The following EVPL variants were observed in gnomAD, a reference collection of about 807,000 sequenced individuals.
EVPL encodes the protein envoplakin.
EVPL carries 94 observed loss-of-function variants against 129.7 expected under a neutral mutation model. The observed-to-expected ratio is 0.72, with a 90% CI of 0.61 to 0.86. The LOEUF (loss-of-function observed/expected upper bound fraction) is 0.86, where lower values mean the gene tolerates loss of function less well. Among genes scored for constraint, EVPL ranks in the 40% least tolerant of loss-of-function variants. EVPL has a pLI of 0.00. For missense variants in EVPL, 2,625 were observed against 2,721.1 expected (o/e 0.96, Z 0.79); for synonymous variants, 1,172 against 1,191.1 (o/e 0.98, Z 0.33).
At chr17:76,011,493 A>T in intron 21 of EVPL, 83 bp downstream of exon 21, 1 of 1,209,978 alleles carries the variant, frequency 8.3e-7, no homozygotes, top group Non-Finnish European at 1.2e-6. Flanking sequence ...TACCAGGGTG[A>T]CAGCCTGGCA....
At chr17:76,014,248 G>A (rs949176231) in intron 18 of EVPL, among the ~76,000 whole-genome samples, 178 bp downstream of exon 18, 4 of 152,204 alleles carry the variant, frequency 2.6e-5, no homozygotes, top group Non-Finnish European at 4.4e-5. Flanking sequence ...TGCCCCAGTC[G>A]GGCCAGACAG....
intron 16 of EVPL, 48 bp downstream of exon 16, chr17:76,015,179 T>C (rs781394810): frequency 1.9e-6 from 3 of 1,560,304 alleles, no homozygotes; most frequent in African/African-American, 2.7e-5. Context: ...CACCCGCCCC[T>C]GAATGCTGGG....
At chr17:76,019,100 G>T (rs1769851550) in intron 10 of EVPL, 40 bp from the exon 11 acceptor site, 2 of 1,525,592 alleles carry the variant, frequency 1.3e-6, no homozygotes, top group Middle Eastern at 2.1e-4. Flanking sequence ...AGGCCAGGCT[G>T]CATTGGAGGC....
In EVPL at chr17:76,023,925, A is replaced by G. The variant is rs1897772638; in HGVS notation, c.198+96T>C. 4.1e-6 allele frequency: 6 copies of G among 1,467,572 alleles called. No individual in the cohort carries two copies. In the South Asian group the frequency reaches 6.1e-5, roughly 15 times the overall value. The allele number at this position is 1,467,572 out of a possible 1,614,324, so 90.9% of individuals were successfully genotyped here. A position where few individuals can be genotyped will look rare whatever the true frequency, so the allele number is the denominator to read the frequency against. ...AAAGGTCATCTGTCCCATCTTCACC[A>G]TCACCAAGGGGCACTCAGGGAGTGC... On this transcript the variant is annotated intron_variant, in intron 2 of 21. Transcript: ENST00000301607.
At position 76,021,897 on chromosome 17, in the gene EVPL, G is replaced by A; in HGVS notation, c.777C>T (p.Ala259=). Reference sequence around the variant, plus strand: ...ACTCCCGCCGCACGCCCGCAGGGTCGGCCATGAGGTCGCTCCAGTCCTGCT... The same window carrying A: ...ACTCCCGCCGCACGCCCGCAGGGTCAGCCATGAGGTCGCTCCAGTCCTGCT... ...ILQQDWSDLM[A]DPAGVRREYE... The change falls in exon 7 of 22, where the codon GCC becomes GCT. Residue 259 remains alanine, a synonymous_variant. Transcript: ENST00000301607. 1.3e-6 allele frequency: 2 copies of A among 1,561,552 alleles called. No homozygotes were observed. The highest frequency in any genetic ancestry group is 8.6e-7 in the Non-Finnish European group (1 of 1,160,790).
In EVPL at chr17:76,018,224, A is replaced by G. The variant is rs2066431924; in HGVS notation, c.1474T>C (p.Leu492=). 5.2e-6 allele frequency: 8 copies of G among 1,549,710 alleles called. No homozygotes were observed. The African/African-American group carries it at 6.8e-5, about 13-fold the overall frequency. The change falls in exon 13 of 22, where the codon TTG becomes CTG. Residue 492 remains leucine (L), a synonymous_variant. Transcript: ENST00000301607. ...ASELQALKQK[L]ATVQSRLKAS... is the part of the protein sequence containing the mutation. ...TTCAGGCGGCTCTGGACTGTGGCCA[A>G]TTTCTGCTTCAGGGCCTGCAGCTCT... is the stretch of plus-strand genomic sequence containing the variant.
Position 76,010,039 on chromosome 17 carries a change from G to A in EVPL, c.3166C>T (p.Leu1056=). Reference sequence around the variant, plus strand: ...TCAAGGGCCAGTAGCTCCTTCTTCAGCCCTTCCAGCCGGGCCGAGATGACG... The same window carrying A: ...TCAAGGGCCAGTAGCTCCTTCTTCAACCCTTCCAGCCGGGCCGAGATGACG... ...DAVISARLEG[L]KKELLALEKR... The change falls in exon 22 of 22, where the codon CTG becomes TTG. Residue 1056 remains leucine, a synonymous_variant. Coordinates refer to ENST00000301607, the MANE Select transcript of EVPL (RefSeq NM_001988.4). The A allele has an allele frequency of 6.2e-7, 1 of 1,612,846 alleles. No homozygotes were observed. Among genetic ancestry groups the A allele is most frequent in the South Asian group, 1.1e-5 (1 of 91,076 alleles).
At chr17:76,017,947 A>G (rs1216686758) in intron 13 of EVPL, 36 bp from the exon 14 acceptor site, 28 of 1,609,700 alleles carry the variant, frequency 1.7e-5, no homozygotes, top group Non-Finnish European at 2.4e-5. Flanking sequence ...CCCAGGGCCT[A>G]TCTCCAGACT....
At chr17:76,014,649 T>C (rs989372645) in intron 17 of EVPL, 73 bp from the exon 18 acceptor site, 1 of 1,559,632 alleles carries the variant, frequency 6.4e-7, no homozygotes, top group African/African-American at 1.4e-5. Flanking sequence ...ACAGGGAGGC[T>C]GATGGGAGCC....
rs2066438282 is a variant in EVPL, at chr17:76,018,966, G to A, written c.1232C>T (p.Pro411Leu). ...DVAPLPQRRN[P>L]PQQPLHVDSI... ...GTCCACGTGCAGGGGCTGCTGAGGG[G>A]GGTTTCTTCGCTGTGGCAGAGGGGC... The change falls in exon 11 of 22, where the codon CCC (proline) becomes CTC (leucine). Residue 411 changes from proline (P) to leucine (L), a missense_variant. Physicochemically the swap from Pro to Leu is moderately conservative, Grantham distance 98. Around this residue, in one of 4 missense-constraint regions of EVPL, gnomAD observed 1,024 missense variants for 997.5 expected, o/e 1.03. Transcript: ENST00000301607. The A allele has an allele frequency of 6.4e-7, 1 of 1,565,254 alleles. No individual in the cohort carries two copies. Among genetic ancestry groups the A allele is most frequent in the Admixed American group, 2.1e-5 (1 of 48,596 alleles).
At position 76,007,476 on chromosome 17, in the gene EVPL, A is replaced by T. The variant is rs751175874; in HGVS notation, c.5729T>A (p.Val1910Asp). 4 of 1,610,080 alleles carry T rather than the reference A, an allele frequency of 2.5e-6. No individual in the cohort carries two copies. In the South Asian group the frequency reaches 3.3e-5, roughly 13 times the overall value. The change falls in exon 22 of 22, where the codon GTC becomes GAC. Residue 1910 changes from valine to aspartate, a missense_variant. This residue lies in a region of EVPL where 1,453 missense variants were observed against 1,511.8 expected (regional missense o/e 0.96). Coordinates refer to ENST00000301607, the MANE Select transcript of EVPL (RefSeq NM_001988.4). The surrounding 1 kb of genome is among the most constrained non-coding windows in gnomAD (Gnocchi z 8.8). Reference sequence around the variant, plus strand: ...GCCCACCGAGAGCCTCTTCTTGGTGACGGGGTCCTCGATGCCGGTGAAGGC... The same window carrying T: ...GCCCACCGAGAGCCTCTTCTTGGTGTCGGGGTCCTCGATGCCGGTGAAGGC... ...QKAFTGIEDP[V>D]TKKRLSVGEA...
At chr17:76,018,117 C>T in intron 13 of EVPL, 44 bp downstream of exon 13, 6 of 1,549,652 alleles carry the variant, frequency 3.9e-6, no homozygotes, top group Non-Finnish European at 5.2e-6. Context: ...GGAATCTACT[C>T]CTTCTAGCCC....
chr17:76,023,908 T>C lies in EVPL; in HGVS notation c.198+113A>G, dbSNP rs1439692527. ...GATGGGCGGTGCAGGACAAAGGTCA[T>C]CTGTCCCATCTTCACCATCACCAAG... On this transcript the variant is annotated intron_variant, in intron 2 of 21. Transcript: ENST00000301607. 5.8e-6 allele frequency: 8 copies of C among 1,381,468 alleles called. No homozygotes were observed. In the African/African-American group the frequency reaches 1.0e-4, roughly 17 times the overall value. The allele number at this position is 1,381,468 out of a possible 1,614,324, so 85.6% of individuals were successfully genotyped here. A position where few individuals can be genotyped will look rare whatever the true frequency, so the allele number is the denominator to read the frequency against.
At position 76,007,652 on chromosome 17, in the gene EVPL, G is replaced by A. The variant is rs1241769236; in HGVS notation, c.5553C>T (p.Asp1851=). ...CCAGTAGCTTCTGCCCAGTGATGGG[G>A]TCCAGCATGTTCTTGGCCACGGCCG... ...IKTAVAKNML[D]PITGQKLLEA... Residue 1851 remains aspartate (D), a synonymous_variant, in exon 22 of 22, where the codon GAC becomes GAT. Coordinates refer to ENST00000301607, the MANE Select transcript of EVPL (RefSeq NM_001988.4). This position sits in a 1 kb window ranked among gnomAD's most constrained non-coding sequence, Gnocchi z 8.8. The A allele has an allele frequency of 1.9e-6, 3 of 1,613,724 alleles. No individual in the cohort carries two copies. Among genetic ancestry groups the A allele is most frequent in the African/African-American group, 1.3e-5 (1 of 74,930 alleles).
rs772314019 is a variant in EVPL, at chr17:76,007,203, C to T, written c.6002G>A (p.Arg2001His). 16 of 1,543,054 alleles carry T rather than the reference C, an allele frequency of 1.0e-5. No homozygotes were observed. Among genetic ancestry groups the T allele is most frequent in the Middle Eastern group, 1.8e-4 (1 of 5,714 alleles). Residue 2001 changes from arginine (R) to histidine (H), a missense_variant, in exon 22 of 22, where the codon CGC becomes CAC. Physicochemically the swap from Arg to His is conservative, Grantham distance 29. Coordinates refer to ENST00000301607, the MANE Select transcript of EVPL (RefSeq NM_001988.4). The surrounding 1 kb of genome is among the most constrained non-coding windows in gnomAD (Gnocchi z 8.8). ...LSYKEAMGRC[R>H]KDPLSGLLLL... ...CAGCAGGCCGCTCAGGGGGTCTTTG[C>T]GGCAGCGGCCCATGGCCTCCTTGTA...
intron 21 of EVPL, chr17:76,011,375 C>T: frequency 6.6e-6 from 4 of 608,648 alleles, no homozygotes; most frequent in South Asian, 3.8e-5. Context: ...TGGACACCAG[C>T]CTGTAAGAGC....
rs772373096 is a variant in EVPL at position 76,007,692 on chromosome 17, T to A, written c.5513A>T (p.Lys1838Met). The change falls in exon 22 of 22, where the codon AAG becomes ATG. Residue 1838 changes from lysine (K) to methionine (M), a missense_variant. By Grantham distance (95) the Lys-to-Met change is moderately conservative (BLOSUM62 -1). Transcript: ENST00000301607. The surrounding 1 kb of genome is among the most constrained non-coding windows in gnomAD (Gnocchi z 8.8). ...GGCCACGGCCGTCTTGATGCTGCAC[T>A]TGTTGTCTGTGGTTGTGTCATAGAT... ...AGIYDTTTDNKCSIKTAVAKN... is the reference protein window; with the variant it reads ...AGIYDTTTDNMCSIKTAVAKN... The A allele has an allele frequency of 6.2e-7, 1 of 1,613,662 alleles. No individual in the cohort carries two copies. Among genetic ancestry groups the A allele is most frequent in the Non-Finnish European group, 8.5e-7 (1 of 1,179,808 alleles).
rs1268004235 is a variant in EVPL, at chr17:76,024,014, G to T, written c.198+7C>A. The T allele has an allele frequency of 1.9e-6, 3 of 1,611,170 alleles. No homozygotes were observed. The highest frequency in any genetic ancestry group is 2.2e-5 in the South Asian group (2 of 90,420). ...CCACGCCCTGCCAACTGCTGCCGGG[G>T]CCTCACCTGCTGCAGCCTCTTCTGC... On this transcript the variant is annotated splice_region_variant and intron_variant, in intron 2 of 21. Coordinates refer to ENST00000301607, the MANE Select transcript of EVPL (RefSeq NM_001988.4). This position sits in a 1 kb window ranked among gnomAD's most constrained non-coding sequence, Gnocchi z 4.5.
chr17:76,012,390 G>A (rs944690117), intron 18 of EVPL: 2 of 293,398 alleles, frequency 6.8e-6, no homozygotes, highest in Admixed American at 9.7e-5. Context: ...AGCCTCCTGG[G>A]TTCAAGCGAT....
Sources: gnomAD v4.1 joint callset for allele counts (sites outside exome capture counted in the v4.1 genomes callset) on GRCh38, gnomAD v4.1.1 for gene constraint, gnomAD v4.1.1 regional missense constraint, Gnocchi (gnomAD v3.1) non-coding constraint, MANE v1.5 for transcripts, NCBI Gene and HGNC (gene_info 2026-07-23, HGNC 2026-07-21) for gene names.